Variants in CD226 observed in about 807,000 individuals in gnomAD.
The protein encoded by CD226 is CD226 antigen.
In CD226, 24 loss-of-function variants were observed where a neutral mutation model predicts 34.9. The ratio of observed to expected loss-of-function variants is 0.69; its 90% CI spans 0.50 to 0.97. The LOEUF (loss-of-function observed/expected upper bound fraction) is 0.97. CD226 is among the 50% of genes least tolerant of loss of function. The pLI is 0.00. For synonymous variants in CD226, 148 were observed against 147.4 expected, an observed-to-expected ratio of 1.00 and a Z score of -0.03; for missense variants, 397 against 412.7, an observed-to-expected ratio of 0.96 and a Z score of 0.33.
chr18:69,898,718 C>T (rs1209302916), intron 2 of CD226, among the ~76,000 whole-genome samples: 1 of 152,156 alleles, frequency 6.6e-6, no homozygotes, highest in East Asian at 1.9e-4. Context: ...AAAATCAAGA[C>T]CTATTACGAG....
intron 3 of CD226, among the ~76,000 whole-genome samples, chr18:69,880,321 A>G (rs1309222156): frequency 9.5e-6 from 1 of 105,300 alleles, no homozygotes; most frequent in Non-Finnish European, 1.9e-5. Context: ...AAAGAAAGAA[A>G]AAGAAAGAGA....
At chr18:69,889,271 C>T (rs1984743563) in intron 3 of CD226, among the ~76,000 whole-genome samples, 1 of 151,794 alleles carries the variant, frequency 6.6e-6, no homozygotes, top group African/African-American at 2.4e-5. Context: ...GGATTCTGGT[C>T]GTGTTGCTCC....
chr18:69,893,672 AAC>A (rs1985036363), intron 3 of CD226, among the ~76,000 whole-genome samples: 2 of 152,184 alleles, frequency 1.3e-5, no homozygotes, highest in South Asian at 4.1e-4. Context: ...TGTCTGAAGG[AAC>A]AGAGTCAACA....
chr18:69,898,615 G>A (rs1358976130), intron 2 of CD226, among the ~76,000 whole-genome samples: 1 of 152,188 alleles, frequency 6.6e-6, no homozygotes, highest in Non-Finnish European at 1.5e-5. Flanking sequence ...TGAAAGAAGT[G>A]GTTCCCAACC....
intron 2 of CD226, among the ~76,000 whole-genome samples, chr18:69,932,520 C>G (rs1046839146): frequency 6.6e-6 from 1 of 152,182 alleles, no homozygotes; most frequent in Non-Finnish European, 1.5e-5. Context: ...ATCCACCCCT[C>G]CAAGTTCACC....
chr18:69,922,832 A>G (rs2055469083), intron 2 of CD226, among the ~76,000 whole-genome samples: 1 of 152,152 alleles, frequency 6.6e-6, no homozygotes, highest in Non-Finnish European at 1.5e-5. Flanking sequence ...CAGTTTTGAA[A>G]AGAAAATCTC....
At chr18:69,891,697 A>T (rs573737500) in intron 3 of CD226, among the ~76,000 whole-genome samples, 1 of 152,360 alleles carries the variant, frequency 6.6e-6, no homozygotes, top group South Asian at 2.1e-4. Flanking sequence ...CACAAACAGC[A>T]AACTATCCAA....
upstream of CD226, chr18:69,961,771 G>T: frequency 6.6e-6 from 1 of 152,468 alleles, no homozygotes; most frequent in Non-Finnish European, 1.5e-5. Context: ...CCGGGTAAGT[G>T]CTAAGTTCTT....
At chr18:69,914,292 G>A (rs966469728) in intron 2 of CD226, among the ~76,000 whole-genome samples, 4 of 152,176 alleles carry the variant, frequency 2.6e-5, no homozygotes, top group African/African-American at 9.7e-5. Flanking sequence ...CCTCATATCA[G>A]TGCCATTGGC....
chr18:69,952,443 T>C (rs1175903433), upstream of CD226, among the ~76,000 whole-genome samples: 1 of 152,188 alleles, frequency 6.6e-6, no homozygotes, highest in Non-Finnish European at 1.5e-5. Context: ...AAAATAATAA[T>C]AAGCCCATAC....
intron 2 of CD226, among the ~76,000 whole-genome samples, chr18:69,915,746 T>C (rs1282639177): frequency 6.6e-6 from 1 of 152,206 alleles, no homozygotes; most frequent in African/African-American, 2.4e-5. Flanking sequence ...ACCTCCATAA[T>C]TTTAAATATT....
At chr18:69,914,960 T>C (rs923865434) in intron 2 of CD226, among the ~76,000 whole-genome samples, 6 of 152,224 alleles carry the variant, frequency 3.9e-5, no homozygotes, top group African/African-American at 1.4e-4. Flanking sequence ...TACTTTGAAG[T>C]ATTAGAGCTT....
chr18:69,854,380 A>G lies in CD226; in HGVS notation c.*9934T>C, dbSNP rs1282874149. ...TGGCATCTGTTTGTGGACTGGTGTG[A>G]GCAAGAAACCCATGGGGGCTGTGCT... On this transcript the variant is annotated 3_prime_UTR_variant, in exon 6 of 6. Coordinates refer to ENST00000582621, the MANE Select transcript of CD226 (RefSeq NM_001303618.2). 2 of 152,262 alleles carry G rather than the reference A, an allele frequency of 1.3e-5. No homozygotes were observed. Among genetic ancestry groups the G allele is most frequent in the African/African-American group, 4.8e-5 (2 of 41,454 alleles). 9.4% of individuals were successfully genotyped at this position (152,262 alleles called of 1,614,324 possible).
Position 69,853,753 on chromosome 18 carries a change from T to G in CD226, c.*10561A>C, listed in dbSNP as rs985371180. ...CTCCTTGTGGCTTGTGCTACAAATT[T>G]TCCTTATTACCTTTTGCCTCTGGAC... On this transcript the variant is annotated 3_prime_UTR_variant, in exon 6 of 6. Coordinates refer to ENST00000582621, the MANE Select transcript of CD226 (RefSeq NM_001303618.2). 1 of 152,220 alleles carries G rather than the reference T, an allele frequency of 6.6e-6. No homozygotes were observed. The highest frequency in any genetic ancestry group is 6.5e-5 in the Admixed American group (1 of 15,282). 9.4% of individuals were successfully genotyped at this position (152,220 alleles called of 1,614,324 possible). A position where few individuals can be genotyped will look rare whatever the true frequency, so the allele number is the denominator to read the frequency against.
chr18:69,931,482 T>C (rs1336478148), intron 2 of CD226, among the ~76,000 whole-genome samples: 1 of 152,120 alleles, frequency 6.6e-6, no homozygotes, highest in Non-Finnish European at 1.5e-5. Context: ...ACTACTTTAA[T>C]ATTACAGCAT....
intron 3 of CD226, among the ~76,000 whole-genome samples, chr18:69,879,377 C>A (rs1289719085): frequency 6.6e-6 from 1 of 152,006 alleles, no homozygotes; most frequent in Admixed American, 6.6e-5. Context: ...TTATAGAGGG[C>A]TCTCCTCCCC....
intron 2 of CD226, among the ~76,000 whole-genome samples, chr18:69,932,545 C>A (rs1357856269): frequency 6.6e-6 from 1 of 152,192 alleles, no homozygotes; most frequent in African/African-American, 2.4e-5. Flanking sequence ...GGCACCACTA[C>A]CCACTTAAAT....
chr18:69,900,693 C>A (rs987873477), intron 2 of CD226, among the ~76,000 whole-genome samples: 1 of 146,638 alleles, frequency 6.8e-6, no homozygotes, highest in African/African-American at 2.5e-5. Context: ...GATTGCGCCA[C>A]TGCAGTCCGC....
chr18:69,950,420 C>G (rs934391030), upstream of CD226, among the ~76,000 whole-genome samples: 7 of 152,156 alleles, frequency 4.6e-5, no homozygotes, highest in African/African-American at 1.4e-4. Context: ...AATAAATGCA[C>G]AGTTATGAAG....
Sources: gnomAD v4.1 joint callset for allele counts (sites outside exome capture counted in the v4.1 genomes callset) on GRCh38, gnomAD v4.1.1 for gene constraint, MANE v1.5 for transcripts, NCBI Gene and HGNC (gene_info 2026-07-23, HGNC 2026-07-21) for gene names.